Variants in DPP10 observed in about 807,000 individuals in gnomAD.
DPP10 encodes the protein inactive dipeptidyl peptidase 10.
A neutral mutation model predicts 120.9 loss-of-function variants in DPP10; 33 were observed. That is an observed-to-expected ratio of 0.27 (90% CI 0.21 to 0.37). The LOEUF (loss-of-function observed/expected upper bound fraction) is 0.37. Among genes scored for constraint, DPP10 ranks in the 10% least tolerant of loss-of-function variants. The pLI, the probability that DPP10 is intolerant of heterozygous loss-of-function variation, is 1.00. For missense variants in DPP10, 816 were observed against 942.8 expected (o/e 0.87, Z 1.76); for synonymous variants, 337 against 326.1 (o/e 1.03, Z -0.36).
chr2:115,650,409 AAG>A (rs1491488434), intron 5 of DPP10, among the ~76,000 whole-genome samples: 5 of 100,374 alleles, frequency 5.0e-5, no homozygotes, highest in Middle Eastern at 4.8e-3. Flanking sequence ...GGCATGGGGA[AAG>A]GGGGGGGGGG....
At chr2:114,664,989 CCAAAAGATGGCACAGAGCATA>C (rs1558982845) in intron 1 of DPP10, among the ~76,000 whole-genome samples, 14 of 147,604 alleles carry the variant, frequency 9.5e-5, no homozygotes, top group South Asian at 2.1e-4. Flanking sequence ...CAGAGAGCAT[CCAAAAGATGGCACAGAGCATA>C]CAAAAGATGG....
Position 114,730,937 on chromosome 2 carries a change from G to A in DPP10, c.60+288099G>A, listed in dbSNP as rs552271812. Among the ~76,000 whole-genome samples the A allele has an allele frequency of 4.6e-5, 7 of 150,712 alleles. No homozygotes were observed. In the East Asian group the frequency reaches 5.8e-4, roughly 13 times the overall value. ...TTTTTTTAAACTTGCTGTGAGCCAC[G>A]GAAGAGCCAGCCAGAAAGTCTGCTA... On this transcript the variant is annotated intron_variant, in intron 1 of 25. Coordinates refer to ENST00000410059, the MANE Select transcript of DPP10 (RefSeq NM_020868.6).
intron 1 of DPP10, among the ~76,000 whole-genome samples, chr2:114,919,724 A>ACAAT (rs1234261314): frequency 2.0e-5 from 3 of 152,214 alleles, no homozygotes; most frequent in African/African-American, 7.2e-5. Context: ...AATAACTATT[A>ACAAT]CAATCAACTA....
At chr2:114,819,166 A>G (rs1685877960) in intron 1 of DPP10, among the ~76,000 whole-genome samples, 1 of 150,774 alleles carries the variant, frequency 6.6e-6, no homozygotes, top group Non-Finnish European at 1.5e-5. Flanking sequence ...GAGCTAAGCA[A>G]CTTGTTTTGT....
At chr2:114,898,529 G>C (rs1260900179) in intron 1 of DPP10, among the ~76,000 whole-genome samples, 1 of 151,968 alleles carries the variant, frequency 6.6e-6, no homozygotes, top group Admixed American at 6.6e-5. Flanking sequence ...AATAAAGGTG[G>C]TAGGAAATAA....
At chr2:115,034,866 C>T (rs1311462325) in intron 1 of DPP10, among the ~76,000 whole-genome samples, 1 of 152,210 alleles carries the variant, frequency 6.6e-6, no homozygotes, top group Non-Finnish European at 1.5e-5. Context: ...CATTTTCAAA[C>T]ACCAGAGCTG....
chr2:114,511,146 T>C (rs1228949306), intron 1 of DPP10, among the ~76,000 whole-genome samples: 2 of 152,228 alleles, frequency 1.3e-5, no homozygotes, highest in African/African-American at 2.4e-5. Flanking sequence ...CATAGGTATA[T>C]AGGTATAGAT....
At chr2:114,857,978 T>C (rs1047061940) in intron 1 of DPP10, among the ~76,000 whole-genome samples, 1 of 152,078 alleles carries the variant, frequency 6.6e-6, no homozygotes, top group Non-Finnish European at 1.5e-5. Flanking sequence ...GGCATTTTTT[T>C]GTTTGTTTGC....
At chr2:114,701,186 T>C (rs1050498847) in intron 1 of DPP10, among the ~76,000 whole-genome samples, 5 of 152,154 alleles carry the variant, frequency 3.3e-5, no homozygotes, top group Non-Finnish European at 7.4e-5. Context: ...ATGTAATTCT[T>C]AAGTGCTAAC....
chr2:115,717,059 A>G (rs367713162), intron 7 of DPP10, among the ~76,000 whole-genome samples: 2 of 152,370 alleles, frequency 1.3e-5, no homozygotes, highest in Admixed American at 6.5e-5. Context: ...TGAAATGCAT[A>G]TGCAGGATCC....
chr2:114,815,622 CCTT>C (rs1685577600), intron 1 of DPP10, among the ~76,000 whole-genome samples: 1 of 152,144 alleles, frequency 6.6e-6, no homozygotes, highest in Admixed American at 6.6e-5. Context: ...TAATGGTTGA[CCTT>C]CTAACAGTGG....
intron 1 of DPP10, among the ~76,000 whole-genome samples, chr2:114,701,721 G>C (rs1341316641): frequency 6.6e-6 from 1 of 152,090 alleles, no homozygotes; most frequent in African/African-American, 2.4e-5. Flanking sequence ...AGGAATTGTT[G>C]ATGGGAATGG....
At chr2:115,378,710 A>G (rs2066019702) in intron 3 of DPP10, among the ~76,000 whole-genome samples, 1 of 152,032 alleles carries the variant, frequency 6.6e-6, no homozygotes, top group South Asian at 2.1e-4. Context: ...AGCTCTTATT[A>G]TTTTCAAATA....
intron 1 of DPP10, among the ~76,000 whole-genome samples, chr2:114,733,733 G>T (rs578078474): frequency 6.6e-6 from 1 of 152,210 alleles, no homozygotes; most frequent in Non-Finnish European, 1.5e-5. Flanking sequence ...TTCTCATTTA[G>T]GGCCAGTAAG....
At chr2:114,494,563 C>A (rs1682334842) in intron 1 of DPP10, among the ~76,000 whole-genome samples, 1 of 152,076 alleles carries the variant, frequency 6.6e-6, no homozygotes, top group Non-Finnish European at 1.5e-5. Flanking sequence ...TAATGGAGAG[C>A]ATTTATTTCT....
chr2:115,419,556 C>T (rs1225556394), intron 3 of DPP10, among the ~76,000 whole-genome samples: 1 of 152,108 alleles, frequency 6.6e-6, no homozygotes, highest in Non-Finnish European at 1.5e-5. Flanking sequence ...ACACCTCCCA[C>T]AAAGCCCCAC....
intron 1 of DPP10, among the ~76,000 whole-genome samples, chr2:115,072,608 T>A (rs77130043): frequency 3.9e-5 from 6 of 151,936 alleles, no homozygotes; most frequent in African/African-American, 1.5e-4. Flanking sequence ...GACACCCACA[T>A]GTGTGCCTAC....
At chr2:115,387,977 G>C (rs947447705) in intron 3 of DPP10, among the ~76,000 whole-genome samples, 1 of 152,196 alleles carries the variant, frequency 6.6e-6, no homozygotes, top group Non-Finnish European at 1.5e-5. Context: ...TGGTGACCAA[G>C]TGACATTGCC....
chr2:115,471,111 T>C (rs1416488224), intron 3 of DPP10, among the ~76,000 whole-genome samples: 2 of 152,172 alleles, frequency 1.3e-5, no homozygotes, highest in East Asian at 3.9e-4. Flanking sequence ...GCACAATTTC[T>C]AAAATCCATA....
Sources: gnomAD v4.1 joint callset for allele counts (sites outside exome capture counted in the v4.1 genomes callset) on GRCh38, gnomAD v4.1.1 for gene constraint, MANE v1.5 for transcripts, NCBI Gene and HGNC (gene_info 2026-07-23, HGNC 2026-07-21) for gene names.